Variants in CMTM3 observed in about 807,000 individuals in gnomAD.
CMTM3 encodes the protein CKLF-like MARVEL transmembrane domain-containing protein 3.
In CMTM3, 7 loss-of-function variants were observed where a neutral mutation model predicts 18.2. That is an observed-to-expected ratio of 0.38 (90% CI 0.22 to 0.72). The LOEUF (loss-of-function observed/expected upper bound fraction) is 0.72. Ranked by LOEUF, CMTM3 falls within the 30% of genes least tolerant of loss-of-function variation. CMTM3 has a pLI of 0.46. For synonymous variants in CMTM3, 109 were observed against 111.2 expected (o/e 0.98, Z 0.12); for missense variants, 227 against 249.2 (o/e 0.91, Z 0.60).
In CMTM3 at chr16:66,613,313, G is replaced by T. The variant is rs1372961756; in HGVS notation, c.*676G>T. The T allele has an allele frequency of 5.1e-6, 3 of 591,568 alleles. No homozygotes were observed. The highest frequency in any genetic ancestry group is 9.1e-6 in the Non-Finnish European group (3 of 330,646). 36.6% of individuals were successfully genotyped at this position (591,568 alleles called of 1,614,324 possible). On this transcript the variant is annotated 3_prime_UTR_variant, in exon 5 of 5. Transcript: ENST00000567572. ...GGGTCTAAGACTGTTTCAAAGAAGA[G>T]CTCATAGACTGACTGGTCCAGAAGA...
rs562160323 is a variant in CMTM3, at chr16:66,610,241, C to T, written c.520+238C>T. On this transcript the variant is annotated intron_variant, in intron 4 of 4. Coordinates refer to ENST00000567572, the MANE Select transcript of CMTM3 (RefSeq NM_181553.4). The surrounding 1 kb of genome is among the most constrained non-coding windows in gnomAD (Gnocchi z 4.6). ...GGGCAAGCAGTGGGCATGGCTGAGC[C>T]TCAGGCCAGGCCGGCAAGTCTCCCT... Among the ~76,000 whole-genome samples, 1 of 152,300 alleles carries T rather than the reference C, an allele frequency of 6.6e-6. No individual in the cohort carries two copies. Among genetic ancestry groups the T allele is most frequent in the South Asian group, 2.1e-4 (1 of 4,826 alleles).
intron 1 of CMTM3, among the ~76,000 whole-genome samples, chr16:66,606,147 CG>C (rs2076423590): frequency 6.6e-6 from 1 of 151,946 alleles, no homozygotes; most frequent in Non-Finnish European, 1.5e-5. Context: ...GAAGGGTGAA[CG>C]GTCAGCACTC....
At chr16:66,606,144 G>A (rs2015142441) in intron 1 of CMTM3, among the ~76,000 whole-genome samples, 1 of 152,076 alleles carries the variant, frequency 6.6e-6, no homozygotes. Context: ...AAGGAAGGGT[G>A]AACGGTCAGC....
intron 4 of CMTM3, chr16:66,611,097 GGA>G (rs2015359208): frequency 5.1e-6 from 2 of 389,728 alleles, no homozygotes; most frequent in African/African-American, 4.1e-5. Context: ...TTTACTATTT[GGA>G]GAGTTTCACA....
rs1004862111 is a variant in CMTM3 at position 66,605,033 on chromosome 16, T to C, written c.147+81T>C. The C allele has an allele frequency of 4.8e-6, 6 of 1,255,390 alleles. No individual in the cohort carries two copies. In the African/African-American group the frequency reaches 9.6e-5, roughly 20 times the overall value. 77.8% of individuals were successfully genotyped at this position (1,255,390 alleles called of 1,614,324 possible). A position where few individuals can be genotyped will look rare whatever the true frequency, so the allele number is the denominator to read the frequency against. On this transcript the variant is annotated intron_variant, in intron 1 of 4. Coordinates refer to ENST00000567572, the MANE Select transcript of CMTM3 (RefSeq NM_181553.4). The surrounding 1 kb of genome is among the most constrained non-coding windows in gnomAD (Gnocchi z 4.6). Reference sequence around the variant, plus strand: ...GGAGGACGTCGGGGCGCGGGTGGGGTCCGGGGGCGGCCGCCGTGCTCCGAT... The same window carrying C: ...GGAGGACGTCGGGGCGCGGGTGGGGCCCGGGGGCGGCCGCCGTGCTCCGAT...
At chr16:66,606,264 G>A (rs1357455624) in intron 1 of CMTM3, among the ~76,000 whole-genome samples, 11 of 152,142 alleles carry the variant, frequency 7.2e-5, no homozygotes. Flanking sequence ...ACAGAGAGAG[G>A]AAGTGGCCCC....
chr16:66,610,186 C>T lies in CMTM3; in HGVS notation c.520+183C>T. ...GATCCAAAGCCAGTCCCATTCGCCT[C>T]GTGCACCCTCACCCCAGCCTTTCTA... On this transcript the variant is annotated intron_variant, in intron 4 of 4. Transcript: ENST00000567572. This position sits in a 1 kb window ranked among gnomAD's most constrained non-coding sequence, Gnocchi z 4.6. 1.4e-6 allele frequency: 1 copy of T among 720,474 alleles called. No individual in the cohort carries two copies. The highest frequency in any genetic ancestry group is 2.2e-6 in the Non-Finnish European group (1 of 444,538). 44.6% of individuals were successfully genotyped at this position (720,474 alleles called of 1,614,324 possible).
chr16:66,608,383 G>A lies in CMTM3; in HGVS notation c.222G>A (p.Glu74=). The change falls in exon 2 of 5, where the codon GAG becomes GAA. Residue 74 remains glutamate, a synonymous_variant. Coordinates refer to ENST00000567572, the MANE Select transcript of CMTM3 (RefSeq NM_181553.4). The surrounding 1 kb of genome is among the most constrained non-coding windows in gnomAD (Gnocchi z 5.1). The part of the protein sequence containing the change: ...ASAFLTAPLL[E]FLLALYFLFA... ...CCTTCCTCACAGCGCCTCTGCTGGA[G>A]TTCCTGCTGGCCTTGTACTTCCTCT... is the stretch of plus-strand genomic sequence containing the variant. 1 of 1,614,228 alleles carries A rather than the reference G, an allele frequency of 6.2e-7. No homozygotes were observed. Among genetic ancestry groups the A allele is most frequent in the Non-Finnish European group, 8.5e-7 (1 of 1,180,048 alleles).
Position 66,608,415 on chromosome 16 carries a change from A to G in CMTM3, c.254A>G (p.Asp85Gly). The G allele has an allele frequency of 1.2e-6, 2 of 1,614,158 alleles. No homozygotes were observed. Among genetic ancestry groups the G allele is most frequent in the Non-Finnish European group, 1.7e-6 (2 of 1,180,038 alleles). The change falls in exon 2 of 5, where the codon GAT becomes GGT. Residue 85 changes from aspartate (D) to glycine (G), a missense_variant. By Grantham distance (94) the Asp-to-Gly change is moderately conservative. Transcript: ENST00000567572. This position sits in a 1 kb window ranked among gnomAD's most constrained non-coding sequence, Gnocchi z 5.1. ...FLLALYFLFA[D>G]AMQLNDKWQG... ...CTGGCCTTGTACTTCCTCTTTGCTG[A>G]TGCCATGCAGCTGAATGACAAGTGG...
chr16:66,609,965 G>A lies in CMTM3; in HGVS notation c.482G>A (p.Gly161Glu). The A allele has an allele frequency of 6.2e-7, 1 of 1,614,150 alleles. No individual in the cohort carries two copies. The highest frequency in any genetic ancestry group is 1.1e-5 in the South Asian group (1 of 91,088). The change falls in exon 4 of 5, where the codon GGG (glycine) becomes GAG (glutamate). Residue 161 changes from glycine (G) to glutamate (E), a missense_variant. By Grantham distance (98) the Gly-to-Glu change is moderately conservative. Coordinates refer to ENST00000567572, the MANE Select transcript of CMTM3 (RefSeq NM_181553.4). This position sits in a 1 kb window ranked among gnomAD's most constrained non-coding sequence, Gnocchi z 4.4. Reference sequence around the variant, plus strand: ...GACGTGGCCAAATTCCTCAAACAAGGGGACTCTGCAGATGAGACCACAGCC... The same window carrying A: ...GACGTGGCCAAATTCCTCAAACAAGAGGACTCTGCAGATGAGACCACAGCC... ...FNDVAKFLKQ[G>E]DSADETTAHK...
chr16:66,604,887 C>A lies in CMTM3; in HGVS notation c.82C>A (p.Arg28Ser), dbSNP rs1293115978. ...TCCCGGCCCCGCGGTCCCCGGGCTC[C>A]GCGCCCTGCTGCCGGCGCGGGCTTT... Reference protein sequence around the residue: ...SRPGPAVPGLRALLPARAFLC... With the variant: ...SRPGPAVPGLSALLPARAFLC... The change falls in exon 1 of 5, where the codon CGC becomes AGC. Residue 28 changes from arginine to serine, a missense_variant. By Grantham distance (110) the Arg-to-Ser change is moderately radical. Transcript: ENST00000567572. 1.7e-5 allele frequency: 25 copies of A among 1,435,368 alleles called. No homozygotes were observed. Among genetic ancestry groups the A allele is most frequent in the African/African-American group, 4.5e-5 (3 of 67,036 alleles). 88.9% of individuals were successfully genotyped at this position (1,435,368 alleles called of 1,614,324 possible). A position where few individuals can be genotyped will look rare whatever the true frequency, so the allele number is the denominator to read the frequency against.
chr16:66,608,530 T>A lies in CMTM3; in HGVS notation c.303+66T>A. On this transcript the variant is annotated intron_variant, in intron 2 of 4. Coordinates refer to ENST00000567572, the MANE Select transcript of CMTM3 (RefSeq NM_181553.4). The surrounding 1 kb of genome is among the most constrained non-coding windows in gnomAD (Gnocchi z 5.1). ...AAGTGGCCAGATGAGGAGTCCAGAG[T>A]CGTGCACTTGGGCCCTTATCCTTTC... is the stretch of plus-strand genomic sequence containing the variant. 6.5e-7 allele frequency: 1 copy of A among 1,533,452 alleles called. No homozygotes were observed. The highest frequency in any genetic ancestry group is 8.9e-7 in the Non-Finnish European group (1 of 1,119,998). 95.0% of individuals were successfully genotyped at this position (1,533,452 alleles called of 1,614,324 possible). A position where few individuals can be genotyped will look rare whatever the true frequency, so the allele number is the denominator to read the frequency against.
rs1347421477 is a variant in CMTM3, at chr16:66,612,212, CAAG to C, written c.521-395_521-393del. On this transcript the variant is annotated intron_variant, in intron 4 of 4. Coordinates refer to ENST00000567572, the MANE Select transcript of CMTM3 (RefSeq NM_181553.4). This position sits in a 1 kb window ranked among gnomAD's most constrained non-coding sequence, Gnocchi z 6.0. ...GGTAGATCACCTGAGGTCAGGAGTT[CAAG>C]ACCAGCCTGGTGAAAGCCCATCTCT... Among the ~76,000 whole-genome samples, 16 of 152,234 alleles carry C rather than the reference CAAG, an allele frequency of 1.1e-4. No individual in the cohort carries two copies. In the East Asian group the frequency reaches 2.9e-3, roughly 28 times the overall value.
At position 66,610,279 on chromosome 16, in the gene CMTM3, T is replaced by C. The variant is rs1313718721; in HGVS notation, c.520+276T>C. Among the ~76,000 whole-genome samples, 1 of 152,064 alleles carries C rather than the reference T, an allele frequency of 6.6e-6. No individual in the cohort carries two copies. The highest frequency in any genetic ancestry group is 2.4e-5 in the African/African-American group (1 of 41,414). ...GGCAAGTCTCCCTGGACGACCCCCC[T>C]GGGCAGCCAGTCACTCTCGGGCACC... On this transcript the variant is annotated intron_variant, in intron 4 of 4. Transcript: ENST00000567572. This position sits in a 1 kb window ranked among gnomAD's most constrained non-coding sequence, Gnocchi z 4.6.
chr16:66,607,593 T>C (rs995282925), intron 1 of CMTM3, among the ~76,000 whole-genome samples: 1 of 152,248 alleles, frequency 6.6e-6, no homozygotes, highest in Admixed American at 6.5e-5. Context: ...GTTTTTTCTT[T>C]TCAAGGTGAA....
In CMTM3 at chr16:66,608,396, T is replaced by TTGTA. The variant is rs1345775921; in HGVS notation, c.236_239dup (p.Phe81ValfsTer6). 2.5e-6 allele frequency: 4 copies of TTGTA among 1,614,098 alleles called. No homozygotes were observed. Among genetic ancestry groups the TTGTA allele is most frequent in the Middle Eastern group, 1.6e-4 (1 of 6,084 alleles). ...GCCTCTGCTGGAGTTCCTGCTGGCC[T>TTGTA]TGTACTTCCTCTTTGCTGATGCCAT... On this transcript the variant is annotated frameshift_variant, in exon 2 of 5. Coordinates refer to ENST00000567572, the MANE Select transcript of CMTM3 (RefSeq NM_181553.4). LOFTEE classifies it high-confidence loss of function. This position sits in a 1 kb window ranked among gnomAD's most constrained non-coding sequence, Gnocchi z 5.1.
chr16:66,604,592 G>A, upstream of CMTM3: 1 of 349,222 alleles, frequency 2.9e-6, no homozygotes, highest in East Asian at 4.6e-5. Context: ...GGGAGGGGGC[G>A]GGTCGGGCCC....
In CMTM3 at chr16:66,608,495, G is replaced by A; in HGVS notation, c.303+31G>A. The A allele has an allele frequency of 6.2e-7, 1 of 1,610,210 alleles. No homozygotes were observed. Among genetic ancestry groups the A allele is most frequent in the Non-Finnish European group, 8.5e-7 (1 of 1,179,196 alleles). On this transcript the variant is annotated intron_variant, in intron 2 of 4. Transcript: ENST00000567572. This position sits in a 1 kb window ranked among gnomAD's most constrained non-coding sequence, Gnocchi z 5.1. ...GACAGGGGCCCCAGGAGGGAGGGGTGCCCTGCACAAAGTGGCCAGATGAGG... is the reference window on the plus strand; with the variant it reads ...GACAGGGGCCCCAGGAGGGAGGGGTACCCTGCACAAAGTGGCCAGATGAGG...
Position 66,605,124 on chromosome 16 carries a change from C to A in CMTM3, c.147+172C>A. 1 of 551,366 alleles carries A rather than the reference C, an allele frequency of 1.8e-6. No homozygotes were observed. The highest frequency in any genetic ancestry group is 2.9e-6 in the Non-Finnish European group (1 of 349,584). The allele number at this position is 551,366 out of a possible 1,614,324, so 34.2% of individuals were successfully genotyped here. ...CCTGGCGAAGTTGGGTCGAGGTCCC[C>A]AAACTTTGGACGGCGGGGCGGGGCC... On this transcript the variant is annotated intron_variant, in intron 1 of 4. Transcript: ENST00000567572. This position sits in a 1 kb window ranked among gnomAD's most constrained non-coding sequence, Gnocchi z 4.6.
Sources: allele counts gnomAD v4.1 joint callset (sites outside exome capture counted in the v4.1 genomes callset), GRCh38; gene constraint gnomAD v4.1.1; non-coding constraint Gnocchi (gnomAD v3.1); transcripts MANE v1.5; gene names NCBI Gene and HGNC (gene_info 2026-07-23, HGNC 2026-07-21).